Variants in CCDC178 observed in about 807,000 individuals in gnomAD.
The protein encoded by CCDC178 is coiled-coil domain containing 178.
CCDC178 carries 126 observed loss-of-function variants against 117.4 expected under a neutral mutation model. The observed-to-expected ratio is 1.07, with a 90% CI of 0.93 to 1.24. The LOEUF (loss-of-function observed/expected upper bound fraction) is 1.24, where lower values mean the gene tolerates loss of function less well. CCDC178 is among the 50% of genes most tolerant of loss of function. CCDC178 has a pLI of 0.00. For synonymous variants in CCDC178, 283 were observed against 313.4 expected (o/e 0.90, Z 1.02); for missense variants, 1,030 against 986.9 (o/e 1.04, Z -0.59).
At chr18:32,939,373 A>G (rs890782648) in intron 22 of CCDC178, among the ~76,000 whole-genome samples, 1 of 152,134 alleles carries the variant, frequency 6.6e-6, no homozygotes, top group African/African-American at 2.4e-5. Flanking sequence ...TGAAAAATCC[A>G]TCTGAATAAA....
intron 21 of CCDC178, among the ~76,000 whole-genome samples, chr18:33,067,270 AAATT>A (rs983679401): frequency 6.6e-6 from 1 of 152,220 alleles, no homozygotes; most frequent in African/African-American, 2.4e-5. Flanking sequence ...CTCAATAAAT[AAATT>A]AAGACAGATG....
At chr18:33,233,218 C>T (rs1391654152) in intron 15 of CCDC178, among the ~76,000 whole-genome samples, 1 of 152,066 alleles carries the variant, frequency 6.6e-6, no homozygotes, top group African/African-American at 2.4e-5. Flanking sequence ...AATAATGTTA[C>T]TGAGTTACAG....
intron 21 of CCDC178, among the ~76,000 whole-genome samples, chr18:33,061,553 C>T (rs1316139005): frequency 1.3e-5 from 2 of 152,094 alleles, no homozygotes; most frequent in Admixed American, 6.6e-5. Flanking sequence ...ACCATTCATT[C>T]TACCTCTGTA....
intron 21 of CCDC178, among the ~76,000 whole-genome samples, chr18:32,986,937 A>G (rs1273416874): frequency 6.6e-6 from 1 of 151,996 alleles, no homozygotes; most frequent in African/African-American, 2.4e-5. Flanking sequence ...TAAATTAAAT[A>G]TGCATGGTCT....
intron 5 of CCDC178, among the ~76,000 whole-genome samples, chr18:33,380,371 G>A (rs1278733293): frequency 6.6e-6 from 1 of 152,220 alleles, no homozygotes; most frequent in African/African-American, 2.4e-5. Context: ...TGCCTGTGCA[G>A]ACACGTTGCT....
chr18:33,414,150 A>C (rs2144906352), intron 2 of CCDC178, among the ~76,000 whole-genome samples: 1 of 152,344 alleles, frequency 6.6e-6, no homozygotes, highest in South Asian at 2.1e-4. Context: ...TGTTTATAAC[A>C]TCAAATTTTA....
At chr18:33,128,991 ACCGTT>A (rs1404564916) in intron 20 of CCDC178, among the ~76,000 whole-genome samples, 14 of 152,156 alleles carry the variant, frequency 9.2e-5, no homozygotes, top group Admixed American at 8.5e-4. Context: ...TAAGAATGAA[ACCGTT>A]ATGAGATAGT....
intron 5 of CCDC178, among the ~76,000 whole-genome samples, chr18:33,379,241 A>T (rs1440437633): frequency 6.8e-6 from 1 of 146,908 alleles, no homozygotes; most frequent in African/African-American, 2.6e-5. Context: ...CCATTTCCCT[A>T]ATCCCCTCCC....
chr18:33,179,445 T>A (rs2058708929), intron 20 of CCDC178, among the ~76,000 whole-genome samples: 1 of 152,010 alleles, frequency 6.6e-6, no homozygotes, highest in South Asian at 2.1e-4. Flanking sequence ...TGTTGCATTA[T>A]CTGTTTGATC....
At chr18:33,283,868 G>C (rs556155578) in intron 12 of CCDC178, among the ~76,000 whole-genome samples, 2 of 152,132 alleles carry the variant, frequency 1.3e-5, no homozygotes, top group Non-Finnish European at 1.5e-5. Flanking sequence ...AGACCTAAAG[G>C]CAGCAATACC....
At chr18:33,435,977 T>C (rs2064284742) in intron 2 of CCDC178, among the ~76,000 whole-genome samples, 1 of 152,082 alleles carries the variant, frequency 6.6e-6, no homozygotes, top group Non-Finnish European at 1.5e-5. Context: ...GACGATGGTA[T>C]ATGTGTGTCC....
Position 32,951,477 on chromosome 18 carries a change from T to C in CCDC178, c.2524-13386A>G, listed in dbSNP as rs113655222. Among the ~76,000 whole-genome samples, 403 of 152,262 alleles carry C rather than the reference T, an allele frequency of 2.6e-3. 2 individuals carry two copies. The highest frequency in any genetic ancestry group is 8.3e-3 in the African/African-American group (347 of 41,578). On this transcript the variant is annotated intron_variant, in intron 22 of 22. Transcript: ENST00000383096. ...ATGAAGGGGGAAGCCCCTTATAAAA[T>C]CATTAGATCTTGTGAGAACTTACTC...
At position 33,289,156 on chromosome 18, in the gene CCDC178, G is replaced by A. The variant is rs2060136864; in HGVS notation, c.1176+4003C>T. 2.6e-5 allele frequency among the ~76,000 whole-genome samples: 4 copies of A among 152,050 alleles called. No individual in the cohort carries two copies. The South Asian group carries it at 8.3e-4, about 32-fold the overall frequency. On this transcript the variant is annotated intron_variant, in intron 12 of 22. Transcript: ENST00000383096. The stretch of plus-strand genomic sequence containing the variant: ...GTCTATTTCTGGATCCTTCTCTCTT[G>A]CCTATGTAGCAGTGTAAGTCATTCT...
chr18:32,977,686 C>G (rs960034333), intron 21 of CCDC178, among the ~76,000 whole-genome samples: 5 of 152,144 alleles, frequency 3.3e-5, no homozygotes, highest in Admixed American at 2.0e-4. Flanking sequence ...AATCAGATAT[C>G]TCAGTGAAAA....
intron 21 of CCDC178, among the ~76,000 whole-genome samples, chr18:32,994,685 T>C (rs1405828145): frequency 6.6e-6 from 1 of 152,198 alleles, no homozygotes; most frequent in African/African-American, 2.4e-5. Context: ...ATAGAAATTA[T>C]GAGTTAGCAA....
intron 21 of CCDC178, among the ~76,000 whole-genome samples, 196 bp from the exon 22 acceptor site, chr18:32,974,877 C>T (rs1568191725): frequency 6.6e-6 from 1 of 152,170 alleles, no homozygotes; most frequent in Non-Finnish European, 1.5e-5. Flanking sequence ...CCAGTCACAT[C>T]TGGCCGCCAG....
intron 21 of CCDC178, among the ~76,000 whole-genome samples, chr18:33,040,142 A>G (rs1356090858): frequency 2.0e-5 from 3 of 152,018 alleles, no homozygotes; most frequent in Admixed American, 2.0e-4. Context: ...TCAACATAGA[A>G]AAGAATAAAC....
chr18:33,041,548 T>C (rs1192981327), intron 21 of CCDC178, among the ~76,000 whole-genome samples: 2 of 151,316 alleles, frequency 1.3e-5, no homozygotes, highest in Non-Finnish European at 3.0e-5. Flanking sequence ...GTTAATAATA[T>C]CTAATTTATT....
intron 2 of CCDC178, among the ~76,000 whole-genome samples, chr18:33,416,365 T>C (rs2063941394): frequency 6.6e-6 from 1 of 151,224 alleles, no homozygotes; most frequent in Non-Finnish European, 1.5e-5. Flanking sequence ...CGGCGGAGCT[T>C]GCGGTGAGCA....
Sources: allele counts gnomAD v4.1 joint callset (sites outside exome capture counted in the v4.1 genomes callset), GRCh38; gene constraint gnomAD v4.1.1; transcripts MANE v1.5; gene names NCBI Gene and HGNC (gene_info 2026-07-23, HGNC 2026-07-21).